LRRIQ1: variants seen among roughly 807,000 people sequenced by gnomAD.
LRRIQ1 encodes leucine-rich repeat- and IQ domain-containing protein 1.
A neutral mutation model predicts 211.9 loss-of-function variants in LRRIQ1; 210 were observed. That is an observed-to-expected ratio of 0.99 (90% CI 0.89 to 1.11). The LOEUF (loss-of-function observed/expected upper bound fraction) is 1.11, where lower values mean the gene tolerates loss of function less well. Ranked by LOEUF, LRRIQ1 falls within the 50% of genes most tolerant of loss-of-function variation. LRRIQ1 has a pLI of 0.00. For missense variants in LRRIQ1, 2,136 were observed against 1,939.5 expected, an observed-to-expected ratio of 1.10 and a Z score of -1.90; for synonymous variants, 699 against 650.1, an observed-to-expected ratio of 1.08 and a Z score of -1.14.
At chr12:85,236,682 C>G (rs1046983119) in intron 26 of LRRIQ1, among the ~76,000 whole-genome samples, 3 of 150,712 alleles carry the variant, frequency 2.0e-5, no homozygotes, top group Non-Finnish European at 4.4e-5. Context: ...ATTTGAATAC[C>G]CTATTAGTCT....
intron 24 of LRRIQ1, among the ~76,000 whole-genome samples, 166 bp downstream of exon 24, chr12:85,160,880 T>C (rs1310880339): frequency 1.3e-5 from 2 of 152,074 alleles, no homozygotes; most frequent in Non-Finnish European, 2.9e-5. Flanking sequence ...GCTGAAGTGC[T>C]AATTTAGTGT....
chr12:85,121,269 A>G (rs1023639842), intron 15 of LRRIQ1, among the ~76,000 whole-genome samples: 1 of 152,200 alleles, frequency 6.6e-6, no homozygotes. Flanking sequence ...TCCTACTCTC[A>G]GTATATTTTA....
intron 19 of LRRIQ1, 149 bp downstream of exon 19, chr12:85,138,118 T>C (rs1889268631): frequency 1.3e-5 from 7 of 544,584 alleles, no homozygotes; most frequent in Non-Finnish European, 2.2e-5. Flanking sequence ...AACATCATCT[T>C]CTTTTATCCT....
intron 24 of LRRIQ1, among the ~76,000 whole-genome samples, chr12:85,217,519 T>TA: frequency 1.2e-5 from 1 of 86,502 alleles, no homozygotes. Context: ...TGTGTGTGTG[T>TA]GTGTGTGTGT....
intron 3 of LRRIQ1, among the ~76,000 whole-genome samples, chr12:85,042,404 C>G (rs1216054540): frequency 6.8e-6 from 1 of 147,030 alleles, no homozygotes; most frequent in African/African-American, 2.5e-5. Flanking sequence ...TTAAATTTAT[C>G]TTAGTAAAAT....
chr12:85,212,715 A>G lies in LRRIQ1; in HGVS notation c.4823-16802A>G, dbSNP rs11116747. Among the ~76,000 whole-genome samples, 15 of 150,330 alleles carry G rather than the reference A, an allele frequency of 1.0e-4. No homozygotes were observed. In the East Asian group the frequency reaches 2.9e-3, roughly 29 times the overall value. On this transcript the variant is annotated intron_variant, in intron 24 of 26. Coordinates refer to ENST00000393217, the MANE Select transcript of LRRIQ1 (RefSeq NM_001079910.2). ...ATTCCATGTATGTATATGTATATAT[A>G]TGTATATATATGTTCCATAAATATA...
intron 11 of LRRIQ1, among the ~76,000 whole-genome samples, chr12:85,076,265 A>G (rs1466980226): frequency 6.6e-6 from 1 of 151,942 alleles, no homozygotes; most frequent in South Asian, 2.1e-4. Flanking sequence ...CTTTAATATC[A>G]TAGTGATATA....
chr12:85,195,138 C>T (rs1260772046), intron 24 of LRRIQ1, among the ~76,000 whole-genome samples: 1 of 152,090 alleles, frequency 6.6e-6, no homozygotes, highest in Non-Finnish European at 1.5e-5. Flanking sequence ...AGTTGAATCT[C>T]TGAATAGACC....
chr12:85,242,521 G>A (rs552663352), intron 26 of LRRIQ1, among the ~76,000 whole-genome samples: 1 of 151,952 alleles, frequency 6.6e-6, no homozygotes, highest in East Asian at 1.9e-4. Flanking sequence ...TTTGTTATCT[G>A]TGGAAGTCCT....
chr12:85,238,482 TA>T (rs1380863813), intron 26 of LRRIQ1, among the ~76,000 whole-genome samples: 2 of 151,882 alleles, frequency 1.3e-5, no homozygotes, highest in Non-Finnish European at 2.9e-5. Context: ...TTAAAGCAGC[TA>T]AAGTATACAT....
intron 24 of LRRIQ1, among the ~76,000 whole-genome samples, chr12:85,217,620 G>GT (rs1894193734): frequency 7.6e-6 from 1 of 130,884 alleles, no homozygotes; most frequent in Non-Finnish European, 1.6e-5. Context: ...GTATATATAT[G>GT]TATATATGTA....
intron 1 of LRRIQ1, among the ~76,000 whole-genome samples, chr12:85,261,236 C>T (rs1409589371): frequency 6.6e-6 from 1 of 152,038 alleles, no homozygotes; most frequent in Non-Finnish European, 1.5e-5. Flanking sequence ...AACTTTATCC[C>T]TGCTTTTTAG....
chr12:85,094,958 A>T (rs1164984713), intron 11 of LRRIQ1, among the ~76,000 whole-genome samples: 2 of 152,116 alleles, frequency 1.3e-5, no homozygotes, highest in Non-Finnish European at 2.9e-5. Flanking sequence ...TGATTTTTCT[A>T]CATTGATTTT....
intron 18 of LRRIQ1, 106 bp downstream of exon 18, chr12:85,128,139 T>C (rs1422575808): frequency 4.5e-6 from 4 of 894,326 alleles, no homozygotes; most frequent in South Asian, 1.7e-5. Flanking sequence ...ATTACAGTTA[T>C]GTAGATTTAT....
At chr12:85,073,152 T>C (rs895988065) in intron 11 of LRRIQ1, 54 bp downstream of exon 11, 1 of 1,359,370 alleles carries the variant, frequency 7.4e-7, no homozygotes, top group African/African-American at 1.5e-5. Flanking sequence ...CTAGAGGAGG[T>C]ATGGGGAGGG....
At chr12:85,106,736 A>AC in intron 15 of LRRIQ1, 121 bp downstream of exon 15, 1 of 681,842 alleles carries the variant, frequency 1.5e-6, no homozygotes, top group Non-Finnish European at 2.4e-6. Flanking sequence ...ATTAAAAGTC[A>AC]TTTTAAACCA....
At chr12:85,236,625 G>C (rs756506714) in intron 26 of LRRIQ1, among the ~76,000 whole-genome samples, 1 of 151,746 alleles carries the variant, frequency 6.6e-6, no homozygotes, top group Non-Finnish European at 1.5e-5. Flanking sequence ...GTAGAAGCTG[G>C]TACAGTCATT....
chr12:85,174,313 A>G lies in LRRIQ1; in HGVS notation c.4822+13599A>G, dbSNP rs1382451383. Among the ~76,000 whole-genome samples the G allele has an allele frequency of 2.0e-5, 3 of 152,054 alleles. No individual in the cohort carries two copies. The East Asian group carries it at 5.8e-4, about 29-fold the overall frequency. ...ATATTGATAAATAAGTCTCCCAGAA[A>G]CCAGAGGAAAAATACAAAATACTAG... On this transcript the variant is annotated intron_variant, in intron 24 of 26. Transcript: ENST00000393217.
chr12:85,054,667 T>A (rs1880764552), intron 7 of LRRIQ1, among the ~76,000 whole-genome samples: 1 of 152,100 alleles, frequency 6.6e-6, no homozygotes. Context: ...TTTTTTTAAG[T>A]AATCAGCTAT....
Sources: gnomAD v4.1 joint callset for allele counts (sites outside exome capture counted in the v4.1 genomes callset) on GRCh38, gnomAD v4.1.1 for gene constraint, MANE v1.5 for transcripts, NCBI Gene and HGNC (gene_info 2026-07-23, HGNC 2026-07-21) for gene names.